P3H2: variants seen among roughly 807,000 people sequenced by gnomAD.
The protein encoded by P3H2 is prolyl 3-hydroxylase 2.
A neutral mutation model predicts 87.0 loss-of-function variants in P3H2; 80 were observed. The ratio of observed to expected loss-of-function variants is 0.92; its 90% confidence interval spans 0.77 to 1.11. P3H2 has a LOEUF of 1.11. P3H2 is among the 50% of genes least tolerant of loss of function. P3H2 has a pLI of 0.00. For missense variants in P3H2, 1,001 were observed against 923.9 expected (o/e 1.08, Z -1.08); for synonymous variants, 367 against 359.3 (o/e 1.02, Z -0.24).
chr3:190,060,668 T>C (rs1427637028), intron 1 of P3H2, among the ~76,000 whole-genome samples: 1 of 152,152 alleles, frequency 6.6e-6, no homozygotes, highest in East Asian at 1.9e-4. Context: ...ATGAAGTGTA[T>C]CTCCAAGGGA....
chr3:190,044,161 G>A (rs1283370428), intron 1 of P3H2, among the ~76,000 whole-genome samples: 7 of 152,162 alleles, frequency 4.6e-5, no homozygotes, highest in Admixed American at 4.6e-4. Context: ...ACAAGTAAGA[G>A]AATGAATAGG....
chr3:190,019,563 T>TAGGTGACTGCTGGTCCC (rs1225429965), intron 1 of P3H2, among the ~76,000 whole-genome samples: 2 of 135,848 alleles, frequency 1.5e-5, no homozygotes, highest in Non-Finnish European at 3.3e-5. Flanking sequence ...ATGCTCATTA[T>TAGGTGACTGCTGGTCCC]CGTTTCTATT....
chr3:190,086,362 C>T (rs1727210507), intron 1 of P3H2, among the ~76,000 whole-genome samples: 3 of 152,088 alleles, frequency 2.0e-5, no homozygotes, highest in South Asian at 2.1e-4. Flanking sequence ...AAAGAGAGTG[C>T]CACAGCATGA....
Position 189,970,762 on chromosome 3 carries a change from G to A in P3H2, c.1893+54C>T. The stretch of plus-strand genomic sequence containing the variant: ...ACCATCTGTAAGTACTTAGAAAAAT[G>A]GCAATACTGAGCTAAAACATACTAA... On this transcript the variant is annotated intron_variant, in intron 13 of 14. Coordinates refer to ENST00000319332, the MANE Select transcript of P3H2 (RefSeq NM_018192.4). 3 of 1,008,966 alleles carry A rather than the reference G, an allele frequency of 3.0e-6. No homozygotes were observed. The South Asian group carries it at 3.8e-5, about 13-fold the overall frequency. 62.5% of individuals were successfully genotyped at this position (1,008,966 alleles called of 1,614,324 possible). A position where few individuals can be genotyped will look rare whatever the true frequency, so the allele number is the denominator to read the frequency against.
At position 189,995,414 on chromosome 3, in the gene P3H2, G is replaced by T. The variant is rs1724022502; in HGVS notation, c.509C>A (p.Ala170Glu). The T allele has an allele frequency of 1.9e-6, 3 of 1,613,798 alleles. No homozygotes were observed. The highest frequency in any genetic ancestry group is 2.5e-6 in the Non-Finnish European group (3 of 1,180,014). The stretch of plus-strand genomic sequence containing the variant: ...GTTAGCCACGAAAAATGTGTGAGCT[G>T]CTTCCACTGCTTTTTCGAGCTGGTT... ...KLNQLEKAVE[A>E]AHTFFVANPE... Residue 170 changes from alanine to glutamate, a missense_variant, in exon 2 of 15, where the codon GCA (alanine) becomes GAA (glutamate). Transcript: ENST00000319332.
intron 1 of P3H2, among the ~76,000 whole-genome samples, chr3:190,023,264 T>A (rs1023939879): frequency 1.4e-4 from 22 of 152,336 alleles, no homozygotes; most frequent in African/African-American, 5.0e-4. Flanking sequence ...GTTTTGGGAA[T>A]GGAGGTAAAG....
chr3:190,091,285 T>G (rs1011373398), intron 1 of P3H2, among the ~76,000 whole-genome samples: 15 of 152,244 alleles, frequency 9.9e-5, no homozygotes, highest in Admixed American at 3.3e-4. Flanking sequence ...TGGTCTGATA[T>G]AAAGCATTCA....
At chr3:189,969,439 C>A (rs1396640270) in intron 13 of P3H2, 1 of 841,800 alleles carries the variant, frequency 1.2e-6, no homozygotes, top group Admixed American at 1.9e-5. Flanking sequence ...GGGGCTTGGC[C>A]CCCATTGGAA....
chr3:190,116,650 G>A (rs914712037), intron 1 of P3H2: 7 of 152,242 alleles, frequency 4.6e-5, no homozygotes, highest in Non-Finnish European at 1.0e-4. Flanking sequence ...GGCTGTGGAT[G>A]CTATGGTAAC....
intron 1 of P3H2, among the ~76,000 whole-genome samples, chr3:190,018,883 A>C (rs1474302604): frequency 6.6e-6 from 1 of 152,212 alleles, no homozygotes; most frequent in Non-Finnish European, 1.5e-5. Flanking sequence ...GGTCAGAACA[A>C]GTATTTCTAT....
At chr3:189,966,967 G>C (rs1158554390) in intron 13 of P3H2, among the ~76,000 whole-genome samples, 2 of 152,280 alleles carry the variant, frequency 1.3e-5, no homozygotes, top group East Asian at 3.9e-4. Context: ...AAAGGACTCA[G>C]AAGACGTTAC....
At chr3:189,988,302 T>G (rs1723767812) in intron 4 of P3H2, among the ~76,000 whole-genome samples, 1 of 152,216 alleles carries the variant, frequency 6.6e-6, no homozygotes, top group Non-Finnish European at 1.5e-5. Context: ...ACAAGGGAAA[T>G]TTTAAATGTC....
chr3:190,020,362 G>A (rs7612621), intron 1 of P3H2, among the ~76,000 whole-genome samples: 10,277 of 134,736 alleles, frequency 0.076, 2,284 homozygotes, highest in African/African-American at 0.24. Context: ...GAGTGGAAGA[G>A]TTGTCTCAAT....
intron 1 of P3H2, among the ~76,000 whole-genome samples, chr3:190,017,313 C>T (rs1356160145): frequency 1.3e-5 from 2 of 152,050 alleles, no homozygotes; most frequent in South Asian, 2.1e-4. Flanking sequence ...TTTAAGCCAC[C>T]TCAGCTGCTC....
intron 1 of P3H2, among the ~76,000 whole-genome samples, chr3:190,032,709 GACAGAGTC>G (rs1288910898): frequency 2.6e-5 from 4 of 152,096 alleles, no homozygotes; most frequent in African/African-American, 9.7e-5. Flanking sequence ...GTCACCCTAT[GACAGAGTC>G]ACTGAGAAGG....
At chr3:190,008,616 T>A (rs978199989) in intron 1 of P3H2, among the ~76,000 whole-genome samples, 1 of 152,164 alleles carries the variant, frequency 6.6e-6, no homozygotes, top group African/African-American at 2.4e-5. Context: ...TGTGGCAGAG[T>A]GTAGCAGCTG....
At chr3:190,077,277 T>C (rs555480009) in intron 1 of P3H2, among the ~76,000 whole-genome samples, 20 of 152,306 alleles carry the variant, frequency 1.3e-4, no homozygotes, top group African/African-American at 4.6e-4. Flanking sequence ...TCTGTAGCAA[T>C]TGGTTCTTTT....
rs891765455 is a variant in P3H2 at position 190,047,606 on chromosome 3, T to C, written c.481-52164A>G. On this transcript the variant is annotated intron_variant, in intron 1 of 14. Coordinates refer to ENST00000319332, the MANE Select transcript of P3H2 (RefSeq NM_018192.4). ...GTGTGTATATATACACCATGTTTCCTGTGAAGAAACATTTGCAGCAACATG... is the reference window on the plus strand; with the variant it reads ...GTGTGTATATATACACCATGTTTCCCGTGAAGAAACATTTGCAGCAACATG... Among the ~76,000 whole-genome samples, 4 of 152,224 alleles carry C rather than the reference T, an allele frequency of 2.6e-5. No individual in the cohort carries two copies. The East Asian group carries it at 7.7e-4, about 29-fold the overall frequency.
chr3:190,057,989 T>C (rs1364590361), intron 1 of P3H2, among the ~76,000 whole-genome samples: 1 of 151,982 alleles, frequency 6.6e-6, no homozygotes, highest in Admixed American at 6.6e-5. Flanking sequence ...TTGTGAAAGA[T>C]GGGAATATTA....
Sources: gnomAD v4.1 joint callset for allele counts (sites outside exome capture counted in the v4.1 genomes callset) on GRCh38, gnomAD v4.1.1 for gene constraint, MANE v1.5 for transcripts, NCBI Gene and HGNC (gene_info 2026-07-23, HGNC 2026-07-21) for gene names.